The following FOXN2 variants were observed in gnomAD, a reference collection of about 807,000 sequenced individuals.
FOXN2 encodes forkhead box protein N2.
A neutral mutation model predicts 41.2 loss-of-function variants in FOXN2; 19 were observed. The observed-to-expected ratio is 0.46, with a 90% CI of 0.32 to 0.68. FOXN2 has a LOEUF of 0.68. Ranked by LOEUF, FOXN2 falls within the 30% of genes least tolerant of loss-of-function variation. FOXN2 has a pLI of 0.03. For synonymous variants in FOXN2, 195 were observed against 176.8 expected (o/e 1.10, Z -0.82); for missense variants, 587 against 509.4 (o/e 1.15, Z -1.47).
chr2:48,359,022 G>C (rs1405467218), intron 3 of FOXN2, 25 bp from the exon 4 acceptor site: 2 of 1,557,574 alleles, frequency 1.3e-6, no homozygotes, highest in South Asian at 1.1e-5. Flanking sequence ...AAAGTTCCTA[G>C]TTATTCTTGT....
At chr2:48,371,403 A>G (rs893083353) in intron 5 of FOXN2, among the ~76,000 whole-genome samples, 1 of 152,178 alleles carries the variant, frequency 6.6e-6, no homozygotes, top group Non-Finnish European at 1.5e-5. Context: ...TCCAAAAAAA[A>G]AAATAGTTGG....
intron 2 of FOXN2, among the ~76,000 whole-genome samples, chr2:48,339,972 T>C (rs7424322): frequency 6.6e-6 from 1 of 152,228 alleles, no homozygotes; most frequent in Non-Finnish European, 1.5e-5. Flanking sequence ...GTTAATGAAT[T>C]CGATGGGGGA....
At chr2:48,362,752 T>C in intron 5 of FOXN2, 45 bp downstream of exon 5, 1 of 1,519,002 alleles carries the variant, frequency 6.6e-7, no homozygotes, top group Non-Finnish European at 9.1e-7. Context: ...CAACAATCTT[T>C]TGGTCAACAA....
At chr2:48,346,811 C>G in intron 3 of FOXN2, 60 bp downstream of exon 3, 1 of 1,376,476 alleles carries the variant, frequency 7.3e-7, no homozygotes, top group Non-Finnish European at 9.7e-7. Context: ...AACATGGAGC[C>G]CTTAAAATAT....
intron 2 of FOXN2, among the ~76,000 whole-genome samples, chr2:48,338,346 C>T (rs1297477301): frequency 6.6e-6 from 1 of 151,700 alleles, no homozygotes; most frequent in Non-Finnish European, 1.5e-5. Context: ...TGAGAGTGTG[C>T]AGGGATGCTA....
Position 48,325,297 on chromosome 2 carries a change from T to A in FOXN2, c.-156-3264T>A, listed in dbSNP as rs187869299. Among the ~76,000 whole-genome samples the A allele has an allele frequency of 2.0e-5, 3 of 152,344 alleles. No individual in the cohort carries two copies. The East Asian group carries it at 5.8e-4, about 29-fold the overall frequency. On this transcript the variant is annotated intron_variant, in intron 1 of 6. Coordinates refer to ENST00000340553, the MANE Select transcript of FOXN2 (RefSeq NM_002158.4). ...TGGCAACTACTTGATAGGGTTGTTATGAATAAGATTAAAAGAGTTAATACT... is the reference window on the plus strand; with the variant it reads ...TGGCAACTACTTGATAGGGTTGTTAAGAATAAGATTAAAAGAGTTAATACT...
intron 1 of FOXN2, among the ~76,000 whole-genome samples, chr2:48,318,529 C>G (rs1171954570): frequency 6.6e-6 from 1 of 152,146 alleles, no homozygotes; most frequent in African/African-American, 2.4e-5. Flanking sequence ...TGGTTGAGGT[C>G]TTTGTGGAGT....
At chr2:48,342,221 A>G (rs757346982) in intron 2 of FOXN2, among the ~76,000 whole-genome samples, 1 of 152,110 alleles carries the variant, frequency 6.6e-6, no homozygotes, top group East Asian at 1.9e-4. Flanking sequence ...TTTTTAATTT[A>G]TTCACATTCT....
intron 3 of FOXN2, among the ~76,000 whole-genome samples, chr2:48,347,364 A>G (rs1467886166): frequency 6.6e-6 from 1 of 150,998 alleles, no homozygotes; most frequent in African/African-American, 2.4e-5. Flanking sequence ...AATAGCTGGG[A>G]CTACAGGTGT....
At chr2:48,354,087 G>A (rs1204855664) in intron 3 of FOXN2, among the ~76,000 whole-genome samples, 1 of 152,190 alleles carries the variant, frequency 6.6e-6, no homozygotes, top group Non-Finnish European at 1.5e-5. Flanking sequence ...GGCAGGAATA[G>A]AGGTGATGTG....
intron 2 of FOXN2, 85 bp downstream of exon 2, chr2:48,328,787 G>T (rs1414479758): frequency 6.6e-6 from 1 of 151,574 alleles, no homozygotes; most frequent in Non-Finnish European, 1.5e-5. Flanking sequence ...TAACAGTTTT[G>T]TTTAGATGTG....
chr2:48,339,373 C>CA (rs1670587510), intron 2 of FOXN2, among the ~76,000 whole-genome samples: 1 of 152,126 alleles, frequency 6.6e-6, no homozygotes, highest in South Asian at 2.1e-4. Flanking sequence ...AGTGAGTTCT[C>CA]ACAAGATCTG....
At chr2:48,357,730 C>G (rs906983471) in intron 3 of FOXN2, among the ~76,000 whole-genome samples, 3 of 151,962 alleles carry the variant, frequency 2.0e-5, no homozygotes, top group African/African-American at 7.3e-5. Flanking sequence ...GCCACCGCAC[C>G]TGGCCTGGTG....
chr2:48,340,045 G>T (rs1235492157), intron 2 of FOXN2, among the ~76,000 whole-genome samples: 1 of 152,162 alleles, frequency 6.6e-6, no homozygotes, highest in Non-Finnish European at 1.5e-5. Context: ...AATGTGGAAG[G>T]CTAAGTAATG....
chr2:48,347,482 C>T (rs1671185774), intron 3 of FOXN2, among the ~76,000 whole-genome samples: 1 of 151,792 alleles, frequency 6.6e-6, no homozygotes, highest in African/African-American at 2.4e-5. Flanking sequence ...CCACCTTGAC[C>T]TCCCAAAGTG....
chr2:48,358,296 C>A (rs1342882323), intron 3 of FOXN2, among the ~76,000 whole-genome samples: 2 of 151,766 alleles, frequency 1.3e-5, no homozygotes, highest in African/African-American at 2.4e-5. Flanking sequence ...TTAATATTCA[C>A]CTATTTTGCA....
At chr2:48,332,494 C>G (rs1670078332) in intron 2 of FOXN2, among the ~76,000 whole-genome samples, 1 of 152,176 alleles carries the variant, frequency 6.6e-6, no homozygotes, top group South Asian at 2.1e-4. Context: ...TATTGTGGCA[C>G]TCTTCCAAGA....
intron 1 of FOXN2, among the ~76,000 whole-genome samples, chr2:48,322,189 C>T (rs1669373796): frequency 6.6e-6 from 1 of 152,186 alleles, no homozygotes; most frequent in East Asian, 1.9e-4. Context: ...CTCAGGTGAT[C>T]TGCCTGCCCC....
intron 1 of FOXN2, among the ~76,000 whole-genome samples, chr2:48,316,032 C>T (rs1240344152): frequency 2.6e-5 from 4 of 151,976 alleles, no homozygotes; most frequent in Non-Finnish European, 5.9e-5. Context: ...GCCACGTGGC[C>T]GGCTGAGTGT....
Sources: gnomAD v4.1 joint callset for allele counts (sites outside exome capture counted in the v4.1 genomes callset) on GRCh38, gnomAD v4.1.1 for gene constraint, MANE v1.5 for transcripts, NCBI Gene and HGNC (gene_info 2026-07-23, HGNC 2026-07-21) for gene names.